The following RCOR3 variants were observed in gnomAD, a reference collection of about 807,000 sequenced individuals.
RCOR3 encodes the protein REST corepressor 3.
A neutral mutation model predicts 64.1 loss-of-function variants in RCOR3; 13 were observed. The ratio of observed to expected loss-of-function variants is 0.20; its 90% CI spans 0.13 to 0.32. The LOEUF is 0.32. Ranked by LOEUF, RCOR3 falls within the 10% of genes least tolerant of loss-of-function variation. RCOR3 has a pLI of 1.00. For missense variants in RCOR3, 489 were observed against 701.2 expected (o/e 0.70, Z 3.42); for synonymous variants, 215 against 239.0 (o/e 0.90, Z 0.93).
At chr1:211,276,983 G>A (rs1697064369) in intron 5 of RCOR3, among the ~76,000 whole-genome samples, 1 of 151,766 alleles carries the variant, frequency 6.6e-6, no homozygotes, top group Non-Finnish European at 1.5e-5. Flanking sequence ...CTACTTGGGA[G>A]GCTGAGGCAG....
intron 3 of RCOR3, among the ~76,000 whole-genome samples, chr1:211,273,771 C>T (rs1696571100): frequency 6.6e-6 from 1 of 152,124 alleles, no homozygotes; most frequent in South Asian, 2.1e-4. Flanking sequence ...TATAAACTAT[C>T]CTTTATACAT....
intron 8 of RCOR3, among the ~76,000 whole-genome samples, chr1:211,293,086 AAAAT>A (rs10524651): frequency 7.3e-4 from 105 of 143,042 alleles, no homozygotes; most frequent in East Asian, 2.9e-3. Flanking sequence ...TCTGTCTCCA[AAAAT>A]AAATAAATAA....
At position 211,271,583 on chromosome 1, in the gene RCOR3, A is replaced by G. The variant is rs987628440; in HGVS notation, c.301+274A>G. On this transcript the variant is annotated intron_variant, in intron 3 of 11. Coordinates refer to ENST00000419091, the MANE Select transcript of RCOR3 (RefSeq NM_001136223.3). ...GATGGCATTGCTGCTTAAATCCTCA[A>G]GCAGGGGAGGGAGTTACTATGTAGA... 2.4e-4 allele frequency: 130 copies of G among 533,734 alleles called. 1 individual carries two copies. Among genetic ancestry groups the G allele is most frequent in the Non-Finnish European group, 5.0e-5 (14 of 278,662 alleles). 33.1% of individuals were successfully genotyped at this position (533,734 alleles called of 1,614,324 possible). A position where few individuals can be genotyped will look rare whatever the true frequency, so the allele number is the denominator to read the frequency against.
At chr1:211,303,180 C>T (rs1037567252) in intron 9 of RCOR3, 5 of 152,164 alleles carry the variant, frequency 3.3e-5, no homozygotes, top group Non-Finnish European at 5.9e-5. Context: ...ATTCTAACTC[C>T]GTTTTTTTAC....
chr1:211,259,823 C>G, intron 1 of RCOR3, 97 bp downstream of exon 1: 1 of 1,215,308 alleles, frequency 8.2e-7, no homozygotes, highest in Non-Finnish European at 1.1e-6. Flanking sequence ...CCCTCCCTCC[C>G]CTCAGAGCCT....
chr1:211,291,876 T>C (rs973541367), intron 8 of RCOR3, among the ~76,000 whole-genome samples: 19 of 152,134 alleles, frequency 1.2e-4, no homozygotes, highest in Non-Finnish European at 2.4e-4. Context: ...CCCAACACTT[T>C]GGGAGGCCAA....
chr1:211,285,410 T>G (rs186358093), intron 7 of RCOR3, among the ~76,000 whole-genome samples: 2 of 152,240 alleles, frequency 1.3e-5, no homozygotes, highest in Non-Finnish European at 2.9e-5. Flanking sequence ...CTTGCCATAA[T>G]GGCTGGTTTC....
intron 2 of RCOR3, among the ~76,000 whole-genome samples, chr1:211,265,597 TA>T (rs1571782644): frequency 6.6e-6 from 1 of 152,230 alleles, no homozygotes; most frequent in East Asian, 1.9e-4. Flanking sequence ...TGGGCACCTG[TA>T]ATCCCAGCTA....
At chr1:211,264,166 CCT>C (rs1694822068) in intron 2 of RCOR3, among the ~76,000 whole-genome samples, 1 of 152,126 alleles carries the variant, frequency 6.6e-6, no homozygotes, top group Admixed American at 6.6e-5. Flanking sequence ...ATGGTTAGCT[CCT>C]CTCTCTTCTC....
chr1:211,259,884 G>T, intron 1 of RCOR3, 158 bp downstream of exon 1: 1 of 994,936 alleles, frequency 1.0e-6, no homozygotes, highest in Non-Finnish European at 1.4e-6. Context: ...GCACCCCCGC[G>T]ACCCCCCGTC....
intron 10 of RCOR3, among the ~76,000 whole-genome samples, chr1:211,306,653 A>G (rs1459717347): frequency 6.6e-6 from 1 of 152,160 alleles, no homozygotes; most frequent in Non-Finnish European, 1.5e-5. Context: ...AACCAAACAT[A>G]TTGAGATCAT....
intron 2 of RCOR3, chr1:211,267,830 C>A: frequency 5.4e-6 from 2 of 367,988 alleles, no homozygotes; most frequent in Admixed American, 3.5e-5. Flanking sequence ...GGGGCTCAAG[C>A]CATCCGCCCT....
chr1:211,272,420 A>G (rs1696330044), intron 3 of RCOR3, among the ~76,000 whole-genome samples: 2 of 152,202 alleles, frequency 1.3e-5, no homozygotes, highest in Non-Finnish European at 2.9e-5. Context: ...AGTGGAAAAC[A>G]AAATTCAGCC....
intron 9 of RCOR3, among the ~76,000 whole-genome samples, chr1:211,297,687 C>G (rs1234778058): frequency 1.3e-5 from 2 of 152,076 alleles, no homozygotes; most frequent in Non-Finnish European, 2.9e-5. Flanking sequence ...ATTTATTGAA[C>G]TTATATGATA....
At chr1:211,262,108 GCTCACTGCAACCT>G (rs1406983030) in intron 2 of RCOR3, among the ~76,000 whole-genome samples, 13 of 115,980 alleles carry the variant, frequency 1.1e-4, no homozygotes, top group Non-Finnish European at 1.9e-4. Flanking sequence ...CGTAATCTCG[GCTCACTGCAACCT>G]CTGCCTCCCG....
At position 211,289,403 on chromosome 1, in the gene RCOR3, T is replaced by C; in HGVS notation, c.939+7T>C. On this transcript the variant is annotated splice_region_variant and intron_variant, in intron 8 of 11. Coordinates refer to ENST00000419091, the MANE Select transcript of RCOR3 (RefSeq NM_001136223.3). ...GATCTCTCTAAAACGTCAGGTATTT[T>C]ATAAAAATAATATTTTTAATGATTC... The C allele has an allele frequency of 6.3e-7, 1 of 1,599,954 alleles. No homozygotes were observed.
At chr1:211,261,010 C>T (rs899483331) in intron 2 of RCOR3, 1 of 152,244 alleles carries the variant, frequency 6.6e-6, no homozygotes, top group African/African-American at 2.4e-5. Context: ...GCTGGAGCCT[C>T]TCGGAGTGGA....
chr1:211,280,218 A>C lies in RCOR3; in HGVS notation c.720+902A>C, dbSNP rs1211057767. 2.6e-5 allele frequency among the ~76,000 whole-genome samples: 4 copies of C among 152,092 alleles called. No individual in the cohort carries two copies. The East Asian group carries it at 5.8e-4, about 22-fold the overall frequency. On this transcript the variant is annotated intron_variant, in intron 7 of 11. Transcript: ENST00000419091. ...GCCTAATACCCCTCCACCCCTAAAA[A>C]CACTTGGCAGATAACTTCATCCATG...
chr1:211,271,141 G>A, intron 2 of RCOR3, 91 bp from the exon 3 acceptor site: 1 of 1,103,088 alleles, frequency 9.1e-7, no homozygotes, highest in South Asian at 1.4e-5. Context: ...ACAGGCATGA[G>A]CCACCGTGCC....
Sources: gnomAD v4.1 joint callset for allele counts (sites outside exome capture counted in the v4.1 genomes callset) on GRCh38, gnomAD v4.1.1 for gene constraint, MANE v1.5 for transcripts, NCBI Gene and HGNC (gene_info 2026-07-23, HGNC 2026-07-21) for gene names.